Variants in REELD1 observed in about 807,000 individuals in gnomAD.
The protein encoded by REELD1 is reelin domain-containing protein 1.
In REELD1, 12 loss-of-function variants were observed where a neutral mutation model predicts 6.3. The ratio of observed to expected loss-of-function variants is 1.89; its 90% CI spans 1.21 to 3.07. The LOEUF (loss-of-function observed/expected upper bound fraction) is 3.07, where lower values mean the gene tolerates loss of function less well. Ranked by LOEUF, REELD1 falls within the 30% of genes most tolerant of loss-of-function variation. The pLI is 0.00. For synonymous variants in REELD1, 57 were observed against 33.6 expected (o/e 1.70, Z -2.42); for missense variants, 163 against 86.8 (o/e 1.88, Z -3.49).
intron 7 of REELD1, among the ~76,000 whole-genome samples, chr4:146,229,350 TCTC>T (rs1731085273): frequency 6.6e-6 from 1 of 152,198 alleles, no homozygotes; most frequent in South Asian, 2.1e-4. Flanking sequence ...TACTCTCTTC[TCTC>T]CTCCTCTATC....
rs75971528 is a variant in REELD1, at chr4:146,224,049, C to T, written c.432-396C>T. On this transcript the variant is annotated intron_variant, in intron 4 of 7. Transcript: ENST00000623665. ...AGGGTAGACATGTACAATTATACAACAGAATTATAAGATCTTCAAATCATG... is the reference window on the plus strand; with the variant it reads ...AGGGTAGACATGTACAATTATACAATAGAATTATAAGATCTTCAAATCATG... Among the ~76,000 whole-genome samples, 4 of 152,174 alleles carry T rather than the reference C, an allele frequency of 2.6e-5. No homozygotes were observed. In the East Asian group the frequency reaches 7.7e-4, roughly 29 times the overall value.
chr4:146,230,871 C>A lies in REELD1; in HGVS notation c.*358C>A, dbSNP rs765318005. The A allele has an allele frequency of 6.6e-4, 109 of 165,198 alleles. No homozygotes were observed. Among genetic ancestry groups the A allele is most frequent in the Middle Eastern group, 5.6e-3 (2 of 358 alleles). 10.2% of individuals were successfully genotyped at this position (165,198 alleles called of 1,614,324 possible). On this transcript the variant is annotated 3_prime_UTR_variant, in exon 8 of 8. Transcript: ENST00000623665. ...GAAGCCATAGAAATAAAAATACTGT[C>A]CCTCCTTAGTGTCTCATCTCTTCTA...
rs576436906 is a variant in REELD1 at position 146,221,542 on chromosome 4, A to G, written c.209-815A>G. Among the ~76,000 whole-genome samples the G allele has an allele frequency of 4.6e-5, 7 of 152,362 alleles. No individual in the cohort carries two copies. The South Asian group carries it at 1.0e-3, about 23-fold the overall frequency. ...GCTAATATGAAAGGTATAAAATAAT[A>G]TCTCATGTATAATTGCTTTAAAAAT... On this transcript the variant is annotated intron_variant, in intron 3 of 7. Coordinates refer to ENST00000623665, the MANE Select transcript of REELD1 (RefSeq NM_001354631.1).
chr4:146,227,898 T>G (rs1008630784), intron 5 of REELD1, among the ~76,000 whole-genome samples: 10 of 152,180 alleles, frequency 6.6e-5, no homozygotes, highest in African/African-American at 2.4e-4. Context: ...AAGCAGTTTT[T>G]GGCAGAGGTG....
intron 4 of REELD1, 88 bp from the exon 5 acceptor site, chr4:146,224,357 G>C (rs1730982175): frequency 4.1e-6 from 2 of 492,406 alleles, no homozygotes; most frequent in South Asian, 8.2e-5. Context: ...ATCTGTTAGT[G>C]TGTTCTCTCT....
At chr4:146,225,973 G>A (rs759725816) in intron 5 of REELD1, among the ~76,000 whole-genome samples, 13 of 152,080 alleles carry the variant, frequency 8.5e-5, no homozygotes, top group South Asian at 2.1e-4. Context: ...GCTTGTGCAC[G>A]CATGTATGTA....
At position 146,229,145 on chromosome 4, in the gene REELD1, C is replaced by T. The variant is rs1179656999; in HGVS notation, c.972+57C>T. 1.2e-5 allele frequency: 8 copies of T among 691,192 alleles called. No homozygotes were observed. In the Admixed American group the frequency reaches 1.7e-4, roughly 14 times the overall value. The allele number at this position is 691,192 out of a possible 1,614,324, so 42.8% of individuals were successfully genotyped here. A position where few individuals can be genotyped will look rare whatever the true frequency, so the allele number is the denominator to read the frequency against. ...ACTGGTATTTTGATCCTAGAATGGT[C>T]AGTTTCAGGCTGGGAAATCAGAGCT... On this transcript the variant is annotated intron_variant, in intron 7 of 7. Transcript: ENST00000623665.
intron 3 of REELD1, among the ~76,000 whole-genome samples, chr4:146,220,795 A>G (rs978016354): frequency 6.6e-6 from 1 of 152,226 alleles, no homozygotes; most frequent in Non-Finnish European, 1.5e-5. Context: ...GTCTAATCAC[A>G]GTTCATCCCC....
chr4:146,215,402 CTT>C (rs1401237056), intron 2 of REELD1, among the ~76,000 whole-genome samples: 2 of 152,156 alleles, frequency 1.3e-5, no homozygotes, highest in Admixed American at 6.5e-5. Flanking sequence ...AGAAAACAAA[CTT>C]AGAAAAGAAA....
At chr4:146,228,698 G>A (rs1731072131) in intron 6 of REELD1, among the ~76,000 whole-genome samples, 176 bp downstream of exon 6, 2 of 152,158 alleles carry the variant, frequency 1.3e-5, no homozygotes, top group African/African-American at 2.4e-5. Flanking sequence ...ATTACCCAGG[G>A]AAATTATTTT....
At chr4:146,224,378 G>C (rs993851050) in intron 4 of REELD1, 67 bp from the exon 5 acceptor site, 4 of 499,834 alleles carry the variant, frequency 8.0e-6, no homozygotes, top group African/African-American at 7.8e-5. Flanking sequence ...TTTCTGTGAG[G>C]CTGGCCTGAG....
intron 5 of REELD1, 22 bp from the exon 6 acceptor site, chr4:146,228,188 C>A: frequency 1.4e-6 from 1 of 695,104 alleles, no homozygotes; most frequent in South Asian, 1.5e-5. Flanking sequence ...TCACTCTGCG[C>A]TGTCTTTGGA....
At position 146,228,424 on chromosome 4, in the gene REELD1, C is replaced by G. The variant is rs1379972762; in HGVS notation, c.810C>G (p.Thr270=). ...AACCCAGCGGGGACAGCAATCCCAC[C>G]CTAGAGCCGTCCCTGGAGGTCCACA... ...NQQPSGDSNP[T]LEPSLEVHRL... The change falls in exon 6 of 8, where the codon ACC becomes ACG. Residue 270 remains threonine (T), a synonymous_variant. Transcript: ENST00000623665. 6 of 702,468 alleles carry G rather than the reference C, an allele frequency of 8.5e-6. No homozygotes were observed. Among genetic ancestry groups the G allele is most frequent in the Non-Finnish European group, 1.6e-5 (6 of 385,008 alleles). The allele number at this position is 702,468 out of a possible 1,614,324, so 43.5% of individuals were successfully genotyped here. A position where few individuals can be genotyped will look rare whatever the true frequency, so the allele number is the denominator to read the frequency against.
chr4:146,230,191 C>G lies in REELD1; in HGVS notation c.1259C>G (p.Thr420Ser). 1 of 398,812 alleles carries G rather than the reference C, an allele frequency of 2.5e-6. No homozygotes were observed. Among genetic ancestry groups the G allele is most frequent in the East Asian group, 3.6e-5 (1 of 28,074 alleles). 24.7% of individuals were successfully genotyped at this position (398,812 alleles called of 1,614,324 possible). ...GGTGGAGTGGGATACCCTCGGCAGA[C>G]CAACCCACGGCCTGACATTGGGCTA... ...GEGGVGYPRQTNPRPDIGLEG... is the reference protein window; with the variant it reads ...GEGGVGYPRQSNPRPDIGLEG... The change falls in exon 8 of 8, where the codon ACC becomes AGC. Residue 420 changes from threonine to serine, a missense_variant. Physicochemically the swap from Thr to Ser is moderately conservative, Grantham distance 58. Transcript: ENST00000623665.
chr4:146,224,286 A>G (rs1484193124), intron 4 of REELD1, among the ~76,000 whole-genome samples, 159 bp from the exon 5 acceptor site: 1 of 152,240 alleles, frequency 6.6e-6, no homozygotes, highest in Non-Finnish European at 1.5e-5. Context: ...GAAGTCACTC[A>G]AAGAGTAATA....
intron 5 of REELD1, among the ~76,000 whole-genome samples, chr4:146,226,196 A>C (rs1318694621): frequency 6.6e-6 from 1 of 152,206 alleles, no homozygotes; most frequent in African/African-American, 2.4e-5. Flanking sequence ...CAATAGACCA[A>C]GACACTTTGA....
Position 146,228,279 on chromosome 4 carries a change from C to A in REELD1, c.665C>A (p.Ala222Glu). Reference protein sequence around the residue: ...HVFAVALPGAAEEDNLDPVPA... With the variant: ...HVFAVALPGAEEEDNLDPVPA... ...TTTGCTGTTGCCCTTCCTGGAGCTG[C>A]AGAGGAGGACAACCTAGATCCTGTT... Residue 222 changes from alanine (A) to glutamate (E), a missense_variant, in exon 6 of 8, where the codon GCA becomes GAA. Transcript: ENST00000623665. The A allele has an allele frequency of 1.4e-6, 1 of 702,578 alleles. No homozygotes were observed. The highest frequency in any genetic ancestry group is 2.6e-6 in the Non-Finnish European group (1 of 385,006). The allele number at this position is 702,578 out of a possible 1,614,324, so 43.5% of individuals were successfully genotyped here. A position where few individuals can be genotyped will look rare whatever the true frequency, so the allele number is the denominator to read the frequency against.
chr4:146,222,101 C>T (rs1291802942), intron 3 of REELD1, among the ~76,000 whole-genome samples: 9 of 151,940 alleles, frequency 5.9e-5, no homozygotes. Context: ...GGGTTTTGCT[C>T]AGAGAGGTAT....
chr4:146,216,491 G>T (rs1304003151), intron 2 of REELD1, among the ~76,000 whole-genome samples: 1 of 152,172 alleles, frequency 6.6e-6, no homozygotes, highest in Non-Finnish European at 1.5e-5. Flanking sequence ...ACAGAGATAA[G>T]ATGCTCAGCC....
Sources: allele counts gnomAD v4.1 joint callset (sites outside exome capture counted in the v4.1 genomes callset), GRCh38; gene constraint gnomAD v4.1.1; transcripts MANE v1.5; gene names NCBI Gene and HGNC (gene_info 2026-07-23, HGNC 2026-07-21).